The following WNT11 variants were observed in gnomAD, a reference collection of about 807,000 sequenced individuals.
WNT11 encodes protein Wnt-11.
In WNT11, 20 loss-of-function variants were observed where a neutral mutation model predicts 35.6. The observed-to-expected ratio is 0.56, with a 90% CI of 0.40 to 0.82. WNT11 has a LOEUF of 0.82. Ranked by LOEUF, WNT11 falls within the 40% of genes least tolerant of loss-of-function variation. WNT11 has a pLI of 0.00. For synonymous variants in WNT11, 200 were observed against 211.9 expected, an observed-to-expected ratio of 0.94 and a Z score of 0.49; for missense variants, 459 against 504.4, an observed-to-expected ratio of 0.91 and a Z score of 0.86.
At chr11:76,207,160 G>C (rs539923958), upstream of WNT11, among the ~76,000 whole-genome samples, 1 of 152,152 alleles carries the variant, frequency 6.6e-6, no homozygotes, top group African/African-American at 2.4e-5. Flanking sequence ...TCAGGAGCTC[G>C]AGACCAGCCT....
chr11:76,203,362 G>A lies in WNT11; in HGVS notation c.83+2963C>T, dbSNP rs1006817939. Among the ~76,000 whole-genome samples, 11 of 152,312 alleles carry A rather than the reference G, an allele frequency of 7.2e-5. No individual in the cohort carries two copies. In the South Asian group the frequency reaches 1.0e-3, roughly 14 times the overall value. On this transcript the variant is annotated intron_variant, in intron 1 of 4. Coordinates refer to ENST00000322563, the MANE Select transcript of WNT11 (RefSeq NM_004626.3). ...TCTAGAGCCTCCTGGCCCCACCTCC[G>A]TGGGAGTGGCAGGTGTGGGACTGCC... is the stretch of plus-strand genomic sequence containing the variant.
chr11:76,209,906 A>T (rs1953535784), upstream of WNT11, among the ~76,000 whole-genome samples: 1 of 151,600 alleles, frequency 6.6e-6, no homozygotes, highest in Admixed American at 6.6e-5. Flanking sequence ...CCTAGCCCCC[A>T]GCCTGGAGCT....
chr11:76,201,454 G>A (rs1372838103), intron 1 of WNT11, among the ~76,000 whole-genome samples: 2 of 152,202 alleles, frequency 1.3e-5, no homozygotes, highest in African/African-American at 2.4e-5. Context: ...AGGATGGGAG[G>A]TGGGGGAGTT....
rs186248255 is a variant in WNT11 at position 76,192,932 on chromosome 11, G to A, written c.598-1076C>T. The stretch of plus-strand genomic sequence containing the variant: ...CCCATCCCCTGCATCAGAGACATGG[G>A]GAAACTGAGGCACAGAGTGGGCAGG... On this transcript the variant is annotated intron_variant, in intron 3 of 4. Transcript: ENST00000322563. 7.0e-4 allele frequency among the ~76,000 whole-genome samples: 107 copies of A among 152,348 alleles called. No homozygotes were observed. In the Middle Eastern group the frequency reaches 0.01, roughly 15 times the overall value.
At chr11:76,204,753 C>T (rs1329946663) in intron 1 of WNT11, among the ~76,000 whole-genome samples, 1 of 151,990 alleles carries the variant, frequency 6.6e-6, no homozygotes, top group Non-Finnish European at 1.5e-5. Flanking sequence ...CCACCACAGG[C>T]CAGCGTGGGG....
chr11:76,204,292 C>T (rs1953433994), intron 1 of WNT11, among the ~76,000 whole-genome samples: 1 of 152,232 alleles, frequency 6.6e-6, no homozygotes, highest in Non-Finnish European at 1.5e-5. Context: ...GCTAGACTAT[C>T]AGTTTCTCAT....
rs990182378 is a variant in WNT11 at position 76,186,754 on chromosome 11, G to A, written c.*311C>T. ...AGGCTGGTCTCTGTGGCCCTGAAAGGTCAAGTCTGTATCAGTCTCACCGAT... is the reference window on the plus strand; with the variant it reads ...AGGCTGGTCTCTGTGGCCCTGAAAGATCAAGTCTGTATCAGTCTCACCGAT... On this transcript the variant is annotated 3_prime_UTR_variant, in exon 5 of 5. Transcript: ENST00000322563. The A allele has an allele frequency of 4.2e-5, 20 of 475,552 alleles. No individual in the cohort carries two copies. Among genetic ancestry groups the A allele is most frequent in the Admixed American group, 7.5e-5 (3 of 39,814 alleles). The allele number at this position is 475,552 out of a possible 1,614,324, so 29.5% of individuals were successfully genotyped here. A position where few individuals can be genotyped will look rare whatever the true frequency, so the allele number is the denominator to read the frequency against.
Position 76,196,513 on chromosome 11 carries a change from C to T in WNT11, c.289G>A (p.Ala97Thr), listed in dbSNP as rs763941967. 51 of 1,613,382 alleles carry T rather than the reference C, an allele frequency of 3.2e-5. No homozygotes were observed. In the East Asian group the frequency reaches 3.6e-4, roughly 11 times the overall value. ...MRWNCSSIELAPNYLLDLERG... is the reference protein window; with the variant it reads ...MRWNCSSIELTPNYLLDLERG... ...TCCAGGTCAAGCAAATAGTTGGGGG[C>T]GAGCTCAATGGAGGAGCAGTTCCAG... Residue 97 changes from alanine (A) to threonine (T), a missense_variant, in exon 2 of 5, where the codon GCC becomes ACC. By Grantham distance (58) the Ala-to-Thr change is moderately conservative (BLOSUM62 0). Transcript: ENST00000322563.
At position 76,194,430 on chromosome 11, in the gene WNT11, T is replaced by C. The variant is rs950541270; in HGVS notation, c.597+137A>G. 6 of 1,031,052 alleles carry C rather than the reference T, an allele frequency of 5.8e-6. No homozygotes were observed. The South Asian group carries it at 1.1e-4, about 18-fold the overall frequency. The allele number at this position is 1,031,052 out of a possible 1,614,324, so 63.9% of individuals were successfully genotyped here. A position where few individuals can be genotyped will look rare whatever the true frequency, so the allele number is the denominator to read the frequency against. ...GCGAGGGAAGGGCTGAGGATGAGGA[T>C]GGTGCGAGGCACATCAGGTGTGGGC... is the stretch of plus-strand genomic sequence containing the variant. On this transcript the variant is annotated intron_variant, in intron 3 of 4. Coordinates refer to ENST00000322563, the MANE Select transcript of WNT11 (RefSeq NM_004626.3). This position sits in a 1 kb window ranked among gnomAD's most constrained non-coding sequence, Gnocchi z 5.4.
intron 1 of WNT11, among the ~76,000 whole-genome samples, chr11:76,200,813 A>G (rs1177934420): frequency 6.6e-6 from 1 of 152,244 alleles, no homozygotes; most frequent in Non-Finnish European, 1.5e-5. Flanking sequence ...TCAAATGAGA[A>G]GGACAACGTG....
At chr11:76,195,177 C>T (rs1356070411) in intron 2 of WNT11, 4 of 348,138 alleles carry the variant, frequency 1.1e-5, no homozygotes, top group Admixed American at 4.3e-5. Flanking sequence ...CCTGATGCGC[C>T]AGACAAATGC....
intron 1 of WNT11, among the ~76,000 whole-genome samples, chr11:76,204,263 A>C (rs1953433325): frequency 1.3e-5 from 2 of 152,166 alleles, no homozygotes; most frequent in Admixed American, 1.3e-4. Flanking sequence ...AAACTCTAGC[A>C]AGACTTTAAT....
chr11:76,196,930 C>A (rs996164754), intron 1 of WNT11, among the ~76,000 whole-genome samples: 2 of 152,368 alleles, frequency 1.3e-5, no homozygotes, highest in Non-Finnish European at 2.9e-5. Context: ...ACATCACCGT[C>A]CCTCTCTGGG....
chr11:76,207,836 T>C (rs1212178257), upstream of WNT11, among the ~76,000 whole-genome samples: 2 of 152,098 alleles, frequency 1.3e-5, no homozygotes, highest in Non-Finnish European at 1.5e-5. Context: ...TTTTTTCTCC[T>C]TCACTTCATT....
intron 2 of WNT11, among the ~76,000 whole-genome samples, chr11:76,196,179 C>T (rs1208599206): frequency 3.3e-5 from 5 of 152,248 alleles, no homozygotes; most frequent in Non-Finnish European, 7.3e-5. Flanking sequence ...AGGCCACAGC[C>T]TTGGGTCATT....
rs1376883072 is a variant in WNT11 at position 76,206,360 on chromosome 11, C to A, written c.48G>T (p.Ala16=). 6.4e-7 allele frequency: 1 copy of A among 1,570,722 alleles called. No homozygotes were observed. Among genetic ancestry groups the A allele is most frequent in the Admixed American group, 1.8e-5 (1 of 54,960 alleles). The change falls in exon 1 of 5, where the codon GCG becomes GCT. Residue 16 remains alanine, a synonymous_variant. Transcript: ENST00000322563. The part of the protein sequence containing the change: ...QVCEALLFAL[A]LQTGVCYGIK... ...TGCCATAGCACACGCCGGTCTGGAG[C>A]GCCAGGGCGAAGAGCAGCGCCTCGC...
intron 1 of WNT11, 137 bp from the exon 2 acceptor site, chr11:76,196,855 AAAGGC>A: frequency 3.1e-6 from 3 of 964,102 alleles, no homozygotes; most frequent in Non-Finnish European, 1.5e-6. Context: ...TCCTTCCAAA[AAAGGC>A]TCCCAAACTG....
intron 1 of WNT11, among the ~76,000 whole-genome samples, chr11:76,204,400 C>G (rs1280859554): frequency 6.6e-6 from 1 of 152,204 alleles, no homozygotes; most frequent in South Asian, 2.1e-4. Flanking sequence ...TTCTCCAGGT[C>G]TCCCCGCATG....
At chr11:76,188,960 C>T (rs546457381) in intron 4 of WNT11, among the ~76,000 whole-genome samples, 4 of 152,176 alleles carry the variant, frequency 2.6e-5, no homozygotes, top group Admixed American at 6.5e-5. Flanking sequence ...AGGCCTGAGC[C>T]GGAAGGGGCC....
Sources: allele counts gnomAD v4.1 joint callset (sites outside exome capture counted in the v4.1 genomes callset), GRCh38; gene constraint gnomAD v4.1.1; non-coding constraint Gnocchi (gnomAD v3.1); transcripts MANE v1.5; gene names NCBI Gene and HGNC (gene_info 2026-07-23, HGNC 2026-07-21).